Variants in ARHGEF3 observed in about 807,000 individuals in gnomAD.
ARHGEF3 encodes the protein Rho guanine nucleotide exchange factor 3.
ARHGEF3 carries 28 observed loss-of-function variants against 63.2 expected under a neutral mutation model. The observed-to-expected ratio is 0.44, with a 90% CI of 0.33 to 0.61. ARHGEF3 has a LOEUF of 0.61. ARHGEF3 is among the 20% of genes least tolerant of loss of function. ARHGEF3 has a pLI of 0.03. For missense variants in ARHGEF3, 533 were observed against 659.3 expected, an observed-to-expected ratio of 0.81 and a Z score of 2.10; for synonymous variants, 266 against 254.2, an observed-to-expected ratio of 1.05 and a Z score of -0.44.
At chr3:56,967,843 T>C (rs1423404497) in intron 2 of ARHGEF3, among the ~76,000 whole-genome samples, 1 of 60,764 alleles carries the variant, frequency 1.6e-5, no homozygotes, top group Non-Finnish European at 2.9e-5. Flanking sequence ...TTAATTATAT[T>C]ATTATATAAT....
chr3:56,886,005 C>T (rs113067114), intron 3 of ARHGEF3, among the ~76,000 whole-genome samples: 6,232 of 152,178 alleles, frequency 0.041, 157 homozygotes, highest in South Asian at 0.14. Context: ...ATTCTGGGTC[C>T]TTGGATATAG....
chr3:56,894,627 CTCTCT>C (rs1159476586), intron 3 of ARHGEF3, among the ~76,000 whole-genome samples: 1 of 152,184 alleles, frequency 6.6e-6, no homozygotes, highest in Non-Finnish European at 1.5e-5. Context: ...CTATCTCTTT[CTCTCT>C]TTTTTAATTA....
At chr3:56,806,068 A>T (rs2037852036), upstream of ARHGEF3, among the ~76,000 whole-genome samples, 1 of 152,152 alleles carries the variant, frequency 6.6e-6, no homozygotes, top group African/African-American at 2.4e-5. Flanking sequence ...CCATCAGTAT[A>T]TAGGTTAAGG....
intron 3 of ARHGEF3, among the ~76,000 whole-genome samples, chr3:56,920,867 G>A (rs147650122): frequency 0.073 from 11,107 of 151,842 alleles, 522 homozygotes; most frequent in Non-Finnish European, 0.11. Context: ...CCTGGCTAAC[G>A]TGGTGAAACC....
At chr3:56,769,475 G>C (rs1251072648) in intron 2 of ARHGEF3, among the ~76,000 whole-genome samples, 1 of 152,258 alleles carries the variant, frequency 6.6e-6, no homozygotes, top group Non-Finnish European at 1.5e-5. Flanking sequence ...CAGTCAGGCT[G>C]TCCCTCCCCA....
intron 3 of ARHGEF3, among the ~76,000 whole-genome samples, chr3:56,952,068 T>C (rs1030987769): frequency 1.3e-5 from 2 of 151,994 alleles, no homozygotes; most frequent in African/African-American, 4.8e-5. Flanking sequence ...AGTAATGTCA[T>C]GGGATATCAC....
intron 2 of ARHGEF3, among the ~76,000 whole-genome samples, chr3:56,992,479 A>AACTGACT (rs1367434597): frequency 6.6e-6 from 1 of 150,428 alleles, no homozygotes; most frequent in East Asian, 2.0e-4. Context: ...CAACATTATG[A>AACTGACT]ACTGACTGTC....
At chr3:57,032,731 G>T (rs1297513059) in intron 2 of ARHGEF3, among the ~76,000 whole-genome samples, 1 of 152,218 alleles carries the variant, frequency 6.6e-6, no homozygotes, top group Non-Finnish European at 1.5e-5. Context: ...TGGTAGTGGT[G>T]GATATAAAAG....
At chr3:56,856,676 G>C (rs2039893681) in intron 4 of ARHGEF3, among the ~76,000 whole-genome samples, 1 of 143,804 alleles carries the variant, frequency 7.0e-6, no homozygotes, top group Non-Finnish European at 1.5e-5. Context: ...CCTAAAGTGA[G>C]CCAAATTCTT....
rs568156978 is a variant in ARHGEF3 at position 56,801,201 on chromosome 3, T to C, written c.96+502A>G. On this transcript the variant is annotated intron_variant, in intron 1 of 9. Transcript: ENST00000296315. ...TGATAGGCAGAGGCGCTGTGTCCTG[T>C]TTTTGCTGCCAAAGGGCTGCAAGGC... is the stretch of plus-strand genomic sequence containing the variant. Among the ~76,000 whole-genome samples the C allele has an allele frequency of 3.3e-5, 5 of 152,300 alleles. No individual in the cohort carries two copies. The South Asian group carries it at 1.0e-3, about 32-fold the overall frequency.
chr3:56,998,257 C>T (rs772644448), intron 2 of ARHGEF3, among the ~76,000 whole-genome samples: 1 of 152,096 alleles, frequency 6.6e-6, no homozygotes, highest in Non-Finnish European at 1.5e-5. Context: ...AAAAACTAAC[C>T]AGGGAAATCA....
At chr3:57,068,643 C>T (rs564448761) in intron 1 of ARHGEF3, among the ~76,000 whole-genome samples, 33 of 152,272 alleles carry the variant, frequency 2.2e-4, no homozygotes, top group African/African-American at 7.9e-4. Context: ...GAGAAACAGT[C>T]CTCCCCACCC....
intron 4 of ARHGEF3, among the ~76,000 whole-genome samples, chr3:56,862,102 G>A (rs894307702): frequency 8.6e-5 from 13 of 152,020 alleles, no homozygotes; most frequent in African/African-American, 3.1e-4. Flanking sequence ...GTAAGCCCCT[G>A]ACCCTCCCCA....
At chr3:57,047,301 T>G (rs998282296) in intron 1 of ARHGEF3, among the ~76,000 whole-genome samples, 1 of 152,088 alleles carries the variant, frequency 6.6e-6, no homozygotes, top group Non-Finnish European at 1.5e-5. Context: ...GAGCCGAGAT[T>G]TTGCCACTGC....
chr3:56,811,880 C>A (rs530779817), intron 4 of ARHGEF3, among the ~76,000 whole-genome samples: 3 of 152,234 alleles, frequency 2.0e-5, no homozygotes, highest in South Asian at 4.1e-4. Flanking sequence ...TTGTCTGTGA[C>A]CCCCAGGCAA....
chr3:57,001,545 C>A (rs1428534293), intron 2 of ARHGEF3, among the ~76,000 whole-genome samples: 1 of 152,206 alleles, frequency 6.6e-6, no homozygotes, highest in Non-Finnish European at 1.5e-5. Context: ...TCCCAGACCC[C>A]CTGTAGCTAC....
At chr3:56,791,372 G>A (rs2037069754) in intron 1 of ARHGEF3, among the ~76,000 whole-genome samples, 1 of 152,094 alleles carries the variant, frequency 6.6e-6, no homozygotes, top group African/African-American at 2.4e-5. Flanking sequence ...GAACCTGAGA[G>A]GTTAAGGCTG....
chr3:56,988,830 C>G (rs1302698465), intron 2 of ARHGEF3, among the ~76,000 whole-genome samples: 2 of 152,168 alleles, frequency 1.3e-5, no homozygotes. Context: ...CCGTTTCTGT[C>G]TGAATCTTGT....
intron 2 of ARHGEF3, among the ~76,000 whole-genome samples, chr3:57,014,910 C>G (rs1702920419): frequency 6.6e-6 from 1 of 152,160 alleles, no homozygotes; most frequent in African/African-American, 2.4e-5. Context: ...TGGTCTCGAT[C>G]TCCTGACCTC....
Sources: allele counts gnomAD v4.1 joint callset (sites outside exome capture counted in the v4.1 genomes callset), GRCh38; gene constraint gnomAD v4.1.1; transcripts MANE v1.5; gene names NCBI Gene and HGNC (gene_info 2026-07-23, HGNC 2026-07-21).